The following DCAF17 variants were observed in gnomAD, a reference collection of about 807,000 sequenced individuals.
DCAF17 encodes DDB1- and CUL4-associated factor 17.
Under a neutral mutation model 66.0 loss-of-function variants are expected in DCAF17, and 48 were observed. The observed-to-expected ratio is 0.73, with a 90% CI of 0.58 to 0.92. The LOEUF is 0.92. DCAF17 is among the 40% of genes least tolerant of loss of function. DCAF17 has a pLI of 0.00. For synonymous variants in DCAF17, 206 were observed against 214.6 expected (o/e 0.96, Z 0.35); for missense variants, 562 against 622.8 (o/e 0.90, Z 1.04).
In DCAF17 at chr2:171,465,857, C is replaced by T. The variant is rs765113317; in HGVS notation, c.839-3031C>T. Among the ~76,000 whole-genome samples, 108 of 152,056 alleles carry T rather than the reference C, an allele frequency of 7.1e-4. No homozygotes were observed. In the Middle Eastern group the frequency reaches 0.01, roughly 14 times the overall value. On this transcript the variant is annotated intron_variant, in intron 8 of 13. Transcript: ENST00000375255. Reference sequence around the variant, plus strand: ...TTAATCCTGTTACTCTCATCAGTAACCATTGTTTTTAGATTCTGGTTTATC... The same window carrying T: ...TTAATCCTGTTACTCTCATCAGTAATCATTGTTTTTAGATTCTGGTTTATC...
intron 8 of DCAF17, among the ~76,000 whole-genome samples, chr2:171,462,806 A>G (rs1695663202): frequency 6.6e-6 from 1 of 152,234 alleles, no homozygotes; most frequent in Non-Finnish European, 1.5e-5. Flanking sequence ...ATACATTGGT[A>G]AGTGACATTA....
chr2:171,456,412 A>G (rs890912084), intron 6 of DCAF17, among the ~76,000 whole-genome samples: 7 of 152,174 alleles, frequency 4.6e-5, no homozygotes, highest in Non-Finnish European at 1.0e-4. Context: ...GCCCTGTAGT[A>G]TAGTTTGAAG....
chr2:171,444,610 A>G (rs1453254472), intron 3 of DCAF17, among the ~76,000 whole-genome samples: 1 of 152,188 alleles, frequency 6.6e-6, no homozygotes, highest in South Asian at 2.1e-4. Context: ...TCTAGTCCCA[A>G]GTGTTTCAGT....
intron 13 of DCAF17, 95 bp downstream of exon 13, chr2:171,480,288 T>A (rs1696682254): frequency 1.4e-6 from 2 of 1,461,020 alleles, no homozygotes; most frequent in Admixed American, 3.7e-5. Flanking sequence ...CAGTCCAGAC[T>A]CACCTATGCC....
chr2:171,469,889 T>G (rs1696143000), intron 9 of DCAF17, among the ~76,000 whole-genome samples: 1 of 152,204 alleles, frequency 6.6e-6, no homozygotes, highest in Non-Finnish European at 1.5e-5. Context: ...CACTGTAGCC[T>G]CAACCTCCTG....
intron 2 of DCAF17, among the ~76,000 whole-genome samples, chr2:171,437,571 G>A (rs890705640): frequency 1.3e-5 from 2 of 152,100 alleles, no homozygotes; most frequent in Admixed American, 6.5e-5. Flanking sequence ...GTTTTGGTAG[G>A]TTGTTCATTA....
chr2:171,468,617 A>G (rs1324809644), intron 8 of DCAF17, among the ~76,000 whole-genome samples: 2 of 152,164 alleles, frequency 1.3e-5, no homozygotes, highest in African/African-American at 4.8e-5. Flanking sequence ...CCTTTAGCCC[A>G]GTTTCAATCT....
At position 171,481,067 on chromosome 2, in the gene DCAF17, A is replaced by G; in HGVS notation, c.1516A>G (p.Ile506Val). The G allele has an allele frequency of 6.2e-7, 1 of 1,613,844 alleles. No individual in the cohort carries two copies. Among genetic ancestry groups the G allele is most frequent in the Non-Finnish European group, 8.5e-7 (1 of 1,179,736 alleles). ...RVFSCYVYQM[I>V]CDTGEEEETI... ...CTTCAGCTGCTATGTTTACCAGATG[A>G]TATGTGACACTGGGGAAGAAGAAGA... is the stretch of plus-strand genomic sequence containing the variant. Residue 506 changes from isoleucine (I) to valine (V), a missense_variant, in exon 14 of 14, where the codon ATA (isoleucine) becomes GTA (valine). Physicochemically the swap from Ile to Val is conservative, Grantham distance 29 (BLOSUM62 3). Transcript: ENST00000375255.
chr2:171,468,919 C>G lies in DCAF17; in HGVS notation c.870C>G (p.Ser290=), dbSNP rs746101867. The G allele has an allele frequency of 2.5e-6, 4 of 1,614,092 alleles. No homozygotes were observed. The South Asian group carries it at 4.4e-5, about 18-fold the overall frequency. Residue 290 remains serine, a synonymous_variant, in exon 9 of 14, where the codon TCC becomes TCG. Coordinates refer to ENST00000375255, the MANE Select transcript of DCAF17 (RefSeq NM_025000.4). The part of the protein sequence containing the change: ...DMPPLLFEVS[S]LENAFQIGGH... ...CACCACTGCTCTTTGAGGTGTCATC[C>G]CTGGAGAATGCTTTTCAGATTGGAG...
chr2:171,480,859 T>C, intron 13 of DCAF17, 115 bp from the exon 14 acceptor site: 1 of 1,316,590 alleles, frequency 7.6e-7, no homozygotes, highest in Non-Finnish European at 1.1e-6. Flanking sequence ...CTAGCAACTA[T>C]TTTCTTCTAA....
intron 10 of DCAF17, among the ~76,000 whole-genome samples, chr2:171,476,609 A>C (rs1478655754): frequency 6.6e-6 from 1 of 152,202 alleles, no homozygotes; most frequent in Non-Finnish European, 1.5e-5. Context: ...AGGCCTGACC[A>C]AGCTGATCAT....
rs182973247 is a variant in DCAF17 at position 171,459,227 on chromosome 2, A to T, written c.838+750A>T. ...CAAGGGAGGCTGAGGCAGGAGAATAACTTAGACCTAGGAGGCAGAGGTTGT... is the reference window on the plus strand; with the variant it reads ...CAAGGGAGGCTGAGGCAGGAGAATATCTTAGACCTAGGAGGCAGAGGTTGT... On this transcript the variant is annotated intron_variant, in intron 8 of 13. Coordinates refer to ENST00000375255, the MANE Select transcript of DCAF17 (RefSeq NM_025000.4). 1.3e-3 allele frequency among the ~76,000 whole-genome samples: 193 copies of T among 152,260 alleles called. 2 individuals are homozygous for T. Among genetic ancestry groups the T allele is most frequent in the Middle Eastern group, 0.01 (3 of 294 alleles).
At chr2:171,457,473 T>C (rs905595349) in intron 6 of DCAF17, among the ~76,000 whole-genome samples, 28 of 152,328 alleles carry the variant, frequency 1.8e-4, no homozygotes, top group Admixed American at 1.8e-3. Context: ...ATATTGTTAC[T>C]TGGGATTGAA....
At position 171,481,849 on chromosome 2, in the gene DCAF17, A is replaced by G. The variant is rs1169472674; in HGVS notation, c.*735A>G. 2.2e-6 allele frequency: 1 copy of G among 453,868 alleles called. No homozygotes were observed. The highest frequency in any genetic ancestry group is 4.4e-6 in the Non-Finnish European group (1 of 226,730). 28.1% of individuals were successfully genotyped at this position (453,868 alleles called of 1,614,324 possible). ...TTGCATCCTGTTTAGCTCTTAATGT[A>G]TCTAAGGATGTTCTCATCTCACCAT... On this transcript the variant is annotated 3_prime_UTR_variant, in exon 14 of 14. Coordinates refer to ENST00000375255, the MANE Select transcript of DCAF17 (RefSeq NM_025000.4).
intron 5 of DCAF17, among the ~76,000 whole-genome samples, chr2:171,450,510 C>G (rs890762670): frequency 6.6e-6 from 1 of 151,310 alleles, no homozygotes; most frequent in African/African-American, 2.4e-5. Flanking sequence ...TTTATAAAGT[C>G]TGGAAATTTA....
chr2:171,476,305 A>C (rs1277959766), intron 10 of DCAF17, among the ~76,000 whole-genome samples: 1 of 152,164 alleles, frequency 6.6e-6, no homozygotes, highest in Non-Finnish European at 1.5e-5. Context: ...AAACCCCCAA[A>C]TCTTTAAATA....
rs755984087 is a variant in DCAF17, at chr2:171,448,669, T to C, written c.322-12T>C. On this transcript the variant is annotated splice_polypyrimidine_tract_variant and intron_variant, in intron 3 of 13. Transcript: ENST00000375255. The stretch of plus-strand genomic sequence containing the variant: ...AGCAGTTTCATTTTTATATCTCTCT[T>C]TTTTTTTTTAGGGAGATATACTTCC... 1.5e-5 allele frequency: 23 copies of C among 1,518,620 alleles called. No homozygotes were observed. The highest frequency in any genetic ancestry group is 7.1e-5 in the African/African-American group (5 of 70,740). 94.1% of individuals were successfully genotyped at this position (1,518,620 alleles called of 1,614,324 possible).
chr2:171,444,312 A>G (rs1026940574), intron 3 of DCAF17, among the ~76,000 whole-genome samples: 6 of 152,192 alleles, frequency 3.9e-5, no homozygotes, highest in African/African-American at 1.4e-4. Context: ...GAATATTTCT[A>G]AGTACAGGTT....
chr2:171,437,036 A>G (rs975323952), intron 2 of DCAF17, among the ~76,000 whole-genome samples: 13 of 152,078 alleles, frequency 8.5e-5, no homozygotes, highest in Non-Finnish European at 1.3e-4. Context: ...GGCCTCCCAA[A>G]GTGCTGGGAT....
Sources: allele counts gnomAD v4.1 joint callset (sites outside exome capture counted in the v4.1 genomes callset), GRCh38; gene constraint gnomAD v4.1.1; transcripts MANE v1.5; gene names NCBI Gene and HGNC (gene_info 2026-07-23, HGNC 2026-07-21).